The following PTCH1 variants were observed in gnomAD, a reference collection of about 807,000 sequenced individuals.
PTCH1 encodes the protein protein patched homolog 1.
A neutral mutation model predicts 144.6 loss-of-function variants in PTCH1; 14 were observed. The ratio of observed to expected loss-of-function variants is 0.10; its 90% CI spans 0.06 to 0.15. The LOEUF is 0.15. PTCH1 is among the 10% of genes least tolerant of loss of function. The probability of loss-of-function intolerance (pLI) is 1.00; values close to 1 mark genes in which losing one functional copy is unlikely to be tolerated. For missense variants in PTCH1, 1,623 were observed against 1,948.3 expected (o/e 0.83, Z 3.14); for synonymous variants, 833 against 793.6 (o/e 1.05, Z -0.83).
intron 22 of PTCH1, among the ~76,000 whole-genome samples, chr9:95,448,128 T>C (rs1838127710): frequency 6.6e-6 from 1 of 152,178 alleles, no homozygotes; most frequent in Admixed American, 6.5e-5. Context: ...AGTGGCCACA[T>C]CAATCAAAAG....
chr9:95,495,910 T>C (rs561797768), intron 2 of PTCH1, among the ~76,000 whole-genome samples: 1 of 152,354 alleles, frequency 6.6e-6, no homozygotes, highest in Admixed American at 6.5e-5. Context: ...ACACGATTTC[T>C]ACAGAAAGTA....
intron 2 of PTCH1, among the ~76,000 whole-genome samples, chr9:95,493,604 T>C (rs774576568): frequency 6.6e-6 from 1 of 152,244 alleles, no homozygotes; most frequent in East Asian, 1.9e-4. Context: ...GGTCTGTGTA[T>C]ATGCAAGCGT....
chr9:95,481,781 C>A, intron 5 of PTCH1, 168 bp downstream of exon 5: 1 of 667,988 alleles, frequency 1.5e-6, no homozygotes, highest in South Asian at 1.8e-5. Context: ...AAAAAACATT[C>A]TGCTGAAATC....
chr9:95,512,894 G>C (rs1026847627), upstream of PTCH1, among the ~76,000 whole-genome samples: 5 of 152,226 alleles, frequency 3.3e-5, no homozygotes, highest in African/African-American at 1.2e-4. Flanking sequence ...AGCAACAGCT[G>C]AGTGTTCCAT....
chr9:95,450,374 T>A, intron 20 of PTCH1: 1 of 271,538 alleles, frequency 3.7e-6, no homozygotes, highest in Non-Finnish European at 7.1e-6. Context: ...GTGTAGAATT[T>A]AAACAATTTA....
In PTCH1 at chr9:95,480,604, G is replaced by A. The variant is rs1841460515; in HGVS notation, c.747-16C>T. 1.9e-6 allele frequency: 3 copies of A among 1,607,904 alleles called. No individual in the cohort carries two copies. The African/African-American group carries it at 4.0e-5, about 22-fold the overall frequency. On this transcript the variant is annotated splice_polypyrimidine_tract_variant and intron_variant, in intron 5 of 23. Coordinates refer to ENST00000331920, the MANE Select transcript of PTCH1 (RefSeq NM_000264.5). ...AGGTTTACCTCTGCAAAAGAAATTA[G>A]GAGACGAGACCATGAAAAGAGCCTT... is the stretch of plus-strand genomic sequence containing the variant.
chr9:95,453,323 G>A, intron 20 of PTCH1, 155 bp downstream of exon 20: 1 of 1,111,780 alleles, frequency 9.0e-7, no homozygotes, highest in Non-Finnish European at 1.3e-6. Flanking sequence ...GTGGAGATGA[G>A]TTTCACCATC....
At chr9:95,501,471 G>C (rs1564081162) in intron 2 of PTCH1, among the ~76,000 whole-genome samples, 1 of 151,432 alleles carries the variant, frequency 6.6e-6, no homozygotes, top group Non-Finnish European at 1.5e-5. Context: ...ACACTAGCAA[G>C]GTACAAACTT....
chr9:95,478,905 A>C, intron 8 of PTCH1, 95 bp downstream of exon 8: 1 of 1,573,778 alleles, frequency 6.4e-7, no homozygotes, highest in Non-Finnish European at 8.7e-7. Context: ...AATGTTTTGA[A>C]AATAAAGCGA....
chr9:95,470,045 G>T, intron 12 of PTCH1, 114 bp from the exon 13 acceptor site: 1 of 832,932 alleles, frequency 1.2e-6, no homozygotes, highest in Non-Finnish European at 2.0e-6. Context: ...TCCTCTTGAA[G>T]CATTTGAAAC....
chr9:95,496,062 AGGAGGTAAGCTTT>A (rs1842768388), intron 2 of PTCH1, among the ~76,000 whole-genome samples: 1 of 152,202 alleles, frequency 6.6e-6, no homozygotes, highest in Non-Finnish European at 1.5e-5. Flanking sequence ...ACAAGAGAAA[AGGAGGTAAGCTTT>A]GGCGGCCCTG....
rs571481564 is a variant in PTCH1 at position 95,448,950 on chromosome 9, T to C, written c.3804+119A>G. The stretch of plus-strand genomic sequence containing the variant: ...ATGATTTGACCTAGTCTGTACCTTA[T>C]CTCTGCATCCCATCTGCCTGTGTGA... On this transcript the variant is annotated intron_variant, in intron 22 of 23. Transcript: ENST00000331920. 3.5e-6 allele frequency: 5 copies of C among 1,409,926 alleles called. No individual in the cohort carries two copies. In the East Asian group the frequency reaches 9.4e-5, roughly 27 times the overall value. 87.3% of individuals were successfully genotyped at this position (1,409,926 alleles called of 1,614,324 possible). A position where few individuals can be genotyped will look rare whatever the true frequency, so the allele number is the denominator to read the frequency against.
intron 2 of PTCH1, among the ~76,000 whole-genome samples, chr9:95,496,867 T>C (rs960400648): frequency 6.6e-6 from 1 of 152,142 alleles, no homozygotes. Context: ...TGTGTGATGT[T>C]TGAGTCTATT....
rs2118313377 is a variant in PTCH1, at chr9:95,477,715, C to A, written c.1348-13G>T. On this transcript the variant is annotated splice_polypyrimidine_tract_variant and intron_variant, in intron 9 of 23. Coordinates refer to ENST00000331920, the MANE Select transcript of PTCH1 (RefSeq NM_000264.5). The stretch of plus-strand genomic sequence containing the variant: ...AGGCATAGGCGAGCTGCAAGCAGAA[C>A]AATGGGGGCACAGAACAAAAGCCGA... 1 of 1,613,968 alleles carries A rather than the reference C, an allele frequency of 6.2e-7. No homozygotes were observed. Among genetic ancestry groups the A allele is most frequent in the East Asian group, 2.2e-5 (1 of 44,874 alleles).
At chr9:95,486,303 T>C (rs1305985993) in intron 2 of PTCH1, among the ~76,000 whole-genome samples, 2 of 152,130 alleles carry the variant, frequency 1.3e-5, no homozygotes, top group Non-Finnish European at 2.9e-5. Flanking sequence ...CTGGCAAAGG[T>C]AACAAGGAAA....
At chr9:95,446,492 A>C in intron 23 of PTCH1, 101 bp from the exon 24 acceptor site, 1 of 483,906 alleles carries the variant, frequency 2.1e-6, no homozygotes, top group East Asian at 5.9e-5. Context: ...GGTATTAGAA[A>C]TCACGAGAGT....
chr9:95,446,821 C>T (rs1019334711), intron 23 of PTCH1, 90 bp downstream of exon 23: 3 of 1,559,162 alleles, frequency 1.9e-6, no homozygotes, highest in Admixed American at 1.7e-5. Context: ...GCGCCACAGC[C>T]CCTCGGGGAT....
chr9:95,458,436 C>A lies in PTCH1; in HGVS notation c.2888-143G>T. 3 of 1,086,896 alleles carry A rather than the reference C, an allele frequency of 2.8e-6. No homozygotes were observed. The highest frequency in any genetic ancestry group is 4.1e-6 in the Non-Finnish European group (3 of 737,764). 67.3% of individuals were successfully genotyped at this position (1,086,896 alleles called of 1,614,324 possible). A position where few individuals can be genotyped will look rare whatever the true frequency, so the allele number is the denominator to read the frequency against. Reference sequence around the variant, plus strand: ...AAGAACAAACAATGCTGATCATAGCCTCCAGGCCTTTACGATCTTCCCATT... The same window carrying A: ...AAGAACAAACAATGCTGATCATAGCATCCAGGCCTTTACGATCTTCCCATT... On this transcript the variant is annotated intron_variant, in intron 17 of 23. Transcript: ENST00000331920. The surrounding 1 kb of genome is among the most constrained non-coding windows in gnomAD (Gnocchi z 4.7).
Position 95,508,256 on chromosome 9 carries a change from T to G in PTCH1, c.106A>C (p.Thr36Pro), listed in dbSNP as rs1843898216. 6.3e-7 allele frequency: 1 copy of G among 1,597,674 alleles called. No individual in the cohort carries two copies. Among genetic ancestry groups the G allele is most frequent in the Non-Finnish European group, 8.5e-7 (1 of 1,174,588 alleles). ...GCGGCAGCACGGCGCAGCCCCCCCG[T>G]CCGTCTGCGCCTCCCGCCTCCAGCC... ...RPAGGGRRRR[T>P]GGLRRAAAPD... The change falls in exon 1 of 24, where the codon ACG (threonine) becomes CCG (proline). Residue 36 changes from threonine (T) to proline (P), a missense_variant. Thr to Pro is a conservative substitution (Grantham distance 38). This residue lies in a region of PTCH1 where 245 missense variants were observed against 240.6 expected (regional missense o/e 1.02). Coordinates refer to ENST00000331920, the MANE Select transcript of PTCH1 (RefSeq NM_000264.5).
Sources: allele counts gnomAD v4.1 joint callset (sites outside exome capture counted in the v4.1 genomes callset), GRCh38; gene constraint gnomAD v4.1.1; regional missense constraint gnomAD v4.1.1; non-coding constraint Gnocchi (gnomAD v3.1); transcripts MANE v1.5; gene names NCBI Gene and HGNC (gene_info 2026-07-23, HGNC 2026-07-21).